The following KIAA0825 variants were observed in gnomAD, a reference collection of about 807,000 sequenced individuals.
The protein encoded by KIAA0825 is uncharacterized protein KIAA0825.
Under a neutral mutation model 147.6 loss-of-function variants are expected in KIAA0825, and 119 were observed. That is an observed-to-expected ratio of 0.81 (90% CI 0.69 to 0.94). KIAA0825 has a LOEUF of 0.94. KIAA0825 is among the 40% of genes least tolerant of loss of function. KIAA0825 has a pLI of 0.00. For synonymous variants in KIAA0825, 470 were observed against 518.1 expected (o/e 0.91, Z 1.26); for missense variants, 1,381 against 1,472.7 (o/e 0.94, Z 1.02).
rs142920918 is a variant in KIAA0825, at chr5:94,261,623, A to T, written c.3711-107499T>A. ...TAATAGGGTAATTATAAATAAATAAAATAGTCTAGTCTCTTCCCTAAACCA... is the reference window on the plus strand; with the variant it reads ...TAATAGGGTAATTATAAATAAATAATATAGTCTAGTCTCTTCCCTAAACCA... On this transcript the variant is annotated intron_variant, in intron 20 of 20. Coordinates refer to ENST00000682413, the MANE Select transcript of KIAA0825 (RefSeq NM_001145678.3). Among the ~76,000 whole-genome samples the T allele has an allele frequency of 3.4e-4, 52 of 152,274 alleles. 1 individual carries two copies. In the East Asian group the frequency reaches 0.01, roughly 29 times the overall value.
intron 1 of KIAA0825, among the ~76,000 whole-genome samples, chr5:94,609,418 AT>A (rs1232126508): frequency 6.6e-6 from 1 of 152,164 alleles, no homozygotes; most frequent in Non-Finnish European, 1.5e-5. Flanking sequence ...ATTGTCAAAA[AT>A]ATTTCATTTT....
chr5:94,490,583 T>A (rs1301719583), intron 5 of KIAA0825, among the ~76,000 whole-genome samples: 1 of 152,086 alleles, frequency 6.6e-6, no homozygotes, highest in African/African-American at 2.4e-5. Flanking sequence ...AAATATACTT[T>A]AGGAAAAAGA....
At chr5:94,240,077 A>G (rs145729273) in intron 20 of KIAA0825, among the ~76,000 whole-genome samples, 21 of 152,368 alleles carry the variant, frequency 1.4e-4, no homozygotes, top group Admixed American at 5.2e-4. Flanking sequence ...TTTGCAAATT[A>G]AAAGTGCCGA....
intron 20 of KIAA0825, among the ~76,000 whole-genome samples, chr5:94,262,682 G>C (rs1001435245): frequency 1.7e-4 from 26 of 152,074 alleles, no homozygotes; most frequent in African/African-American, 6.3e-4. Context: ...TAAGACAACA[G>C]TTCGTTCGAT....
At chr5:94,334,513 C>T (rs115607095) in intron 20 of KIAA0825, among the ~76,000 whole-genome samples, 8,265 of 152,260 alleles carry the variant, frequency 0.054, 441 homozygotes, top group Admixed American at 0.16. Flanking sequence ...GACGAAGTCT[C>T]ATTCTGTTGC....
At chr5:94,593,218 G>C in intron 1 of KIAA0825, 1 of 758,834 alleles carries the variant, frequency 1.3e-6, no homozygotes, top group South Asian at 1.3e-5. Context: ...AGAAAGGTTT[G>C]ATATTAAACT....
intron 7 of KIAA0825, among the ~76,000 whole-genome samples, chr5:94,476,527 G>A (rs572639012): frequency 6.6e-6 from 1 of 152,278 alleles, no homozygotes; most frequent in South Asian, 2.1e-4. Flanking sequence ...GCCATTATCA[G>A]AGATGTTCCT....
chr5:94,452,200 G>GT (rs1758502519), intron 13 of KIAA0825, among the ~76,000 whole-genome samples: 1 of 152,154 alleles, frequency 6.6e-6, no homozygotes, highest in Admixed American at 6.5e-5. Flanking sequence ...GGCAAACAGT[G>GT]TAAGTTTGTT....
intron 1 of KIAA0825, chr5:94,615,420 C>T (rs750384063): frequency 5.9e-5 from 9 of 152,142 alleles, no homozygotes; most frequent in Non-Finnish European, 1.2e-4. Flanking sequence ...TTAAGATTAT[C>T]GCTTTTGGGA....
chr5:94,191,460 A>G (rs1303654034), intron 20 of KIAA0825, among the ~76,000 whole-genome samples: 1 of 152,218 alleles, frequency 6.6e-6, no homozygotes, highest in Non-Finnish European at 1.5e-5. Context: ...GTAAATTATA[A>G]AAGTATGCAT....
At chr5:94,551,977 A>G (rs1173796620) in intron 2 of KIAA0825, among the ~76,000 whole-genome samples, 1 of 152,092 alleles carries the variant, frequency 6.6e-6, no homozygotes, top group Non-Finnish European at 1.5e-5. Context: ...ATCAAAAAAT[A>G]TAGAAATGGA....
intron 5 of KIAA0825, among the ~76,000 whole-genome samples, chr5:94,496,910 C>T (rs1333308436): frequency 3.3e-5 from 5 of 152,134 alleles, no homozygotes; most frequent in Non-Finnish European, 5.9e-5. Flanking sequence ...CCACTGTCAC[C>T]GGACTCTCTC....
At chr5:94,498,002 G>A (rs1431466281) in intron 5 of KIAA0825, among the ~76,000 whole-genome samples, 1 of 152,022 alleles carries the variant, frequency 6.6e-6, no homozygotes, top group Non-Finnish European at 1.5e-5. Flanking sequence ...TCCAGGCAGT[G>A]GGGTGGGGGA....
chr5:94,220,980 C>T (rs1331913822), intron 20 of KIAA0825, among the ~76,000 whole-genome samples: 3 of 152,190 alleles, frequency 2.0e-5, no homozygotes, highest in African/African-American at 7.2e-5. Flanking sequence ...ACCACTGATT[C>T]ATTTTTGTGA....
In KIAA0825 at chr5:94,255,312, A is replaced by G. The variant is rs576367258; in HGVS notation, c.3711-101188T>C. Reference sequence around the variant, plus strand: ...GCAATTTTAGTTTGATGTATTATACAAACAAACTTTATAAGAGTGCCTAAA... The same window carrying G: ...GCAATTTTAGTTTGATGTATTATACGAACAAACTTTATAAGAGTGCCTAAA... On this transcript the variant is annotated intron_variant, in intron 20 of 20. Coordinates refer to ENST00000682413, the MANE Select transcript of KIAA0825 (RefSeq NM_001145678.3). Among the ~76,000 whole-genome samples, 27 of 152,042 alleles carry G rather than the reference A, an allele frequency of 1.8e-4. No individual in the cohort carries two copies. The South Asian group carries it at 5.6e-3, about 32-fold the overall frequency.
At chr5:94,559,345 T>C (rs1278316774) in intron 2 of KIAA0825, among the ~76,000 whole-genome samples, 1 of 152,228 alleles carries the variant, frequency 6.6e-6, no homozygotes, top group African/African-American at 2.4e-5. Context: ...ATCTTTACTA[T>C]AGATTAACTT....
At chr5:94,498,640 T>G (rs1764661278) in intron 5 of KIAA0825, among the ~76,000 whole-genome samples, 1 of 152,216 alleles carries the variant, frequency 6.6e-6, no homozygotes, top group Non-Finnish European at 1.5e-5. Context: ...AGATGAGAAA[T>G]GGAAGAACAA....
chr5:94,493,478 A>G (rs1763962564), intron 5 of KIAA0825, among the ~76,000 whole-genome samples: 1 of 152,044 alleles, frequency 6.6e-6, no homozygotes, highest in Non-Finnish European at 1.5e-5. Context: ...TAGTACATAC[A>G]ATATCTGCAT....
chr5:94,256,067 G>T lies in KIAA0825; in HGVS notation c.3711-101943C>A, dbSNP rs1389567799. Among the ~76,000 whole-genome samples, 6 of 152,078 alleles carry T rather than the reference G, an allele frequency of 3.9e-5. No individual in the cohort carries two copies. In the South Asian group the frequency reaches 1.2e-3, roughly 32 times the overall value. ...TACCTGTAAAGCTTTGTTCCCTTCAGGTAATTGGCTTGAATTTGATTTTGT... is the reference window on the plus strand; with the variant it reads ...TACCTGTAAAGCTTTGTTCCCTTCATGTAATTGGCTTGAATTTGATTTTGT... On this transcript the variant is annotated intron_variant, in intron 20 of 20. Coordinates refer to ENST00000682413, the MANE Select transcript of KIAA0825 (RefSeq NM_001145678.3).
Sources: allele counts gnomAD v4.1 joint callset (sites outside exome capture counted in the v4.1 genomes callset), GRCh38; gene constraint gnomAD v4.1.1; transcripts MANE v1.5; gene names NCBI Gene and HGNC (gene_info 2026-07-23, HGNC 2026-07-21).